Variants in RANBP17 observed in about 807,000 individuals in gnomAD.
RANBP17 encodes ran-binding protein 17.
RANBP17 carries 158 observed loss-of-function variants against 141.2 expected under a neutral mutation model. The ratio of observed to expected loss-of-function variants is 1.12; its 90% CI spans 0.98 to 1.28. The LOEUF is 1.28. Ranked by LOEUF, RANBP17 falls within the 50% of genes most tolerant of loss-of-function variation. The pLI, the probability that RANBP17 is intolerant of heterozygous loss-of-function variation, is 0.00. For missense variants in RANBP17, 1,438 were observed against 1,290.7 expected (o/e 1.11, Z -1.75); for synonymous variants, 430 against 450.0 (o/e 0.96, Z 0.56).
At chr5:171,123,639 G>A (rs2127777009) in intron 14 of RANBP17, among the ~76,000 whole-genome samples, 1 of 152,362 alleles carries the variant, frequency 6.6e-6, no homozygotes, top group Admixed American at 6.5e-5. Flanking sequence ...CTCAAGGACT[G>A]GCGAACATGG....
chr5:170,897,942 G>A (rs923589278), intron 5 of RANBP17, among the ~76,000 whole-genome samples: 1 of 152,124 alleles, frequency 6.6e-6, no homozygotes, highest in Non-Finnish European at 1.5e-5. Flanking sequence ...GGATTGTTGG[G>A]TCAAATGGTA....
chr5:170,911,026 G>A lies in RANBP17; in HGVS notation c.652G>A (p.Val218Ile). The A allele has an allele frequency of 6.2e-7, 1 of 1,612,048 alleles. No individual in the cohort carries two copies. The highest frequency in any genetic ancestry group is 8.5e-7 in the Non-Finnish European group (1 of 1,178,694). ...DQCQQNLVMQ[V>I]LKLVLNCLNF... ...ATGTCAGCAAAATCTGGTAATGCAGGTCTTGAAACTGGTCCTTAACTGCCT... is the reference window on the plus strand; with the variant it reads ...ATGTCAGCAAAATCTGGTAATGCAGATCTTGAAACTGGTCCTTAACTGCCT... Residue 218 changes from valine (V) to isoleucine (I), a missense_variant, in exon 7 of 28, where the codon GTC becomes ATC. By Grantham distance (29) the Val-to-Ile change is conservative. Transcript: ENST00000523189.
At chr5:170,915,809 C>T (rs977081214) in intron 8 of RANBP17, among the ~76,000 whole-genome samples, 1 of 151,772 alleles carries the variant, frequency 6.6e-6, no homozygotes, top group Non-Finnish European at 1.5e-5. Flanking sequence ...ACATACTGTA[C>T]CACAAAACCA....
At chr5:171,053,830 G>C (rs781585625) in intron 14 of RANBP17, among the ~76,000 whole-genome samples, 2 of 139,518 alleles carry the variant, frequency 1.4e-5, no homozygotes, top group Non-Finnish European at 3.0e-5. Context: ...TTTCACCATT[G>C]AATGTGATGT....
At chr5:170,968,073 C>T (rs1321218627) in intron 13 of RANBP17, among the ~76,000 whole-genome samples, 169 bp from the exon 14 acceptor site, 1 of 151,792 alleles carries the variant, frequency 6.6e-6, no homozygotes, top group East Asian at 1.9e-4. Flanking sequence ...GTAGTAATAT[C>T]TCTCAGTAGT....
intron 24 of RANBP17, chr5:171,252,603 T>C (rs1765644105): frequency 7.4e-7 from 1 of 1,354,528 alleles, no homozygotes; most frequent in South Asian, 1.2e-5. Flanking sequence ...GATTTAAATA[T>C]AAGGATCAAC....
At chr5:171,083,536 C>A (rs1785396658) in intron 14 of RANBP17, among the ~76,000 whole-genome samples, 1 of 152,184 alleles carries the variant, frequency 6.6e-6, no homozygotes, top group East Asian at 1.9e-4. Context: ...GACCCTTGAA[C>A]AACACAAGTT....
chr5:171,009,547 A>G (rs1174136579), intron 14 of RANBP17, among the ~76,000 whole-genome samples: 1 of 152,174 alleles, frequency 6.6e-6, no homozygotes, highest in African/African-American at 2.4e-5. Flanking sequence ...AATCCCCTGA[A>G]TAAAAGGGTA....
chr5:170,896,457 A>G (rs1671088230), intron 5 of RANBP17, among the ~76,000 whole-genome samples: 2 of 152,218 alleles, frequency 1.3e-5, no homozygotes, highest in African/African-American at 2.4e-5. Context: ...ACAAACCTTT[A>G]TTCACTTACA....
intron 14 of RANBP17, among the ~76,000 whole-genome samples, chr5:171,031,411 C>T (rs1014159987): frequency 6.6e-6 from 1 of 151,986 alleles, no homozygotes; most frequent in East Asian, 1.9e-4. Context: ...TTTTCTTACA[C>T]AAGAGCATAC....
At chr5:171,104,347 A>T (rs951912384) in intron 14 of RANBP17, among the ~76,000 whole-genome samples, 2 of 152,066 alleles carry the variant, frequency 1.3e-5, no homozygotes, top group African/African-American at 4.8e-5. Flanking sequence ...TGTCCTCTTT[A>T]ATTATCTTAC....
intron 21 of RANBP17, 65 bp downstream of exon 21, chr5:171,213,803 CTT>C: frequency 8.0e-7 from 1 of 1,243,408 alleles, no homozygotes; most frequent in South Asian, 1.2e-5. Flanking sequence ...AACAGTCAGA[CTT>C]TCTTTTTTGG....
Position 171,089,901 on chromosome 5 carries a change from G to C in RANBP17, c.1711-80229G>C, listed in dbSNP as rs565145051. Among the ~76,000 whole-genome samples the C allele has an allele frequency of 2.6e-5, 4 of 152,336 alleles. No individual in the cohort carries two copies. The East Asian group carries it at 7.7e-4, about 29-fold the overall frequency. ...TGCACCCGGTACCTCAGATGGAAAT[G>C]CAGAAATCACCCGTCTTCTGCGTCG... On this transcript the variant is annotated intron_variant, in intron 14 of 27. Coordinates refer to ENST00000523189, the MANE Select transcript of RANBP17 (RefSeq NM_022897.5).
chr5:170,998,237 A>G (rs1345886094), intron 14 of RANBP17, among the ~76,000 whole-genome samples: 3 of 152,194 alleles, frequency 2.0e-5, no homozygotes, highest in African/African-American at 4.8e-5. Flanking sequence ...TCTCATTGGA[A>G]TATTTTATTG....
At chr5:170,968,767 T>G (rs1337375681) in intron 14 of RANBP17, 1 of 453,970 alleles carries the variant, frequency 2.2e-6, no homozygotes, top group Non-Finnish European at 4.4e-6. Flanking sequence ...TTTCTTGGCA[T>G]TTGTACATGA....
At chr5:171,089,009 A>G (rs1039449975) in intron 14 of RANBP17, among the ~76,000 whole-genome samples, 12 of 151,924 alleles carry the variant, frequency 7.9e-5, no homozygotes, top group African/African-American at 1.7e-4. Context: ...CTGGTGAGGA[A>G]CTGCGTTCCT....
intron 1 of RANBP17, among the ~76,000 whole-genome samples, chr5:170,864,925 A>G (rs995415025): frequency 6.6e-6 from 1 of 152,244 alleles, no homozygotes; most frequent in Non-Finnish European, 1.5e-5. Flanking sequence ...TATATTCACC[A>G]GTAACTGGAG....
At chr5:170,927,084 T>C (rs1036036489) in intron 12 of RANBP17, among the ~76,000 whole-genome samples, 7 of 152,114 alleles carry the variant, frequency 4.6e-5, no homozygotes, top group Non-Finnish European at 8.8e-5. Context: ...AGATAAACCT[T>C]GTATGTGTCA....
chr5:171,110,539 CCTT>C (rs537848247), intron 14 of RANBP17, among the ~76,000 whole-genome samples: 7 of 152,116 alleles, frequency 4.6e-5, no homozygotes, highest in African/African-American at 9.7e-5. Context: ...TCCCTCTACT[CCTT>C]CTACATTTTC....
Sources: gnomAD v4.1 joint callset for allele counts (sites outside exome capture counted in the v4.1 genomes callset) on GRCh38, gnomAD v4.1.1 for gene constraint, MANE v1.5 for transcripts, NCBI Gene and HGNC (gene_info 2026-07-23, HGNC 2026-07-21) for gene names.